The following SIPA1L1 variants were observed in gnomAD, a reference collection of about 807,000 sequenced individuals.
The protein encoded by SIPA1L1 is signal-induced proliferation-associated 1-like protein 1.
In SIPA1L1, 26 loss-of-function variants were observed where a neutral mutation model predicts 162.7. That is an observed-to-expected ratio of 0.16 (90% CI 0.12 to 0.22). The LOEUF is 0.22. SIPA1L1 is among the 10% of genes least tolerant of loss of function. The pLI is 1.00. For missense variants in SIPA1L1, 1,874 were observed against 2,241.0 expected (o/e 0.84, Z 3.31); for synonymous variants, 829 against 837.4 (o/e 0.99, Z 0.17).
At chr14:71,482,357 T>C (rs1411498596) in intron 2 of SIPA1L1, among the ~76,000 whole-genome samples, 1 of 152,162 alleles carries the variant, frequency 6.6e-6, no homozygotes, top group Non-Finnish European at 1.5e-5. Context: ...AAGGATATTT[T>C]GACCAGAGGT....
intron 2 of SIPA1L1, among the ~76,000 whole-genome samples, chr14:71,413,557 G>A (rs1220724567): frequency 1.3e-5 from 2 of 152,128 alleles, no homozygotes; most frequent in Non-Finnish European, 2.9e-5. Context: ...GGCCAACATG[G>A]TGAAACCCCG....
chr14:71,654,089 T>G (rs1437180523), intron 8 of SIPA1L1, among the ~76,000 whole-genome samples: 2 of 152,190 alleles, frequency 1.3e-5, no homozygotes, highest in African/African-American at 4.8e-5. Context: ...TTTCTTAGTA[T>G]TTTTGTAAAG....
chr14:71,705,772 G>A (rs745786355), intron 16 of SIPA1L1, among the ~76,000 whole-genome samples: 6 of 151,986 alleles, frequency 3.9e-5, no homozygotes, highest in Non-Finnish European at 8.8e-5. Context: ...GAGACAGACA[G>A]CTTCCCCTAT....
chr14:71,569,590 G>A (rs1189952273), intron 4 of SIPA1L1, among the ~76,000 whole-genome samples: 1 of 152,146 alleles, frequency 6.6e-6, no homozygotes, highest in African/African-American at 2.4e-5. Context: ...TATAGAAGGG[G>A]AAACCCTCTG....
chr14:71,453,304 G>T (rs967812201), intron 2 of SIPA1L1, among the ~76,000 whole-genome samples: 3 of 152,030 alleles, frequency 2.0e-5, no homozygotes, highest in Non-Finnish European at 4.4e-5. Flanking sequence ...TGCTCTGCTG[G>T]CCAGGCTGTA....
intron 21 of SIPA1L1, among the ~76,000 whole-genome samples, chr14:71,734,247 G>A (rs183954528): frequency 6.6e-6 from 1 of 152,242 alleles, no homozygotes; most frequent in African/African-American, 2.4e-5. Context: ...CTCCGTGCGC[G>A]GTAGCGCGTT....
At chr14:71,477,878 T>C (rs539610450) in intron 2 of SIPA1L1, among the ~76,000 whole-genome samples, 1 of 152,300 alleles carries the variant, frequency 6.6e-6, no homozygotes, top group African/African-American at 2.4e-5. Context: ...TTCCCAGGAC[T>C]GGGATTGCTG....
At chr14:71,405,995 C>T (rs965255785) in intron 2 of SIPA1L1, among the ~76,000 whole-genome samples, 3 of 152,134 alleles carry the variant, frequency 2.0e-5, no homozygotes, top group Non-Finnish European at 2.9e-5. Flanking sequence ...TGATCATGGG[C>T]AGAAAGAAGA....
intron 3 of SIPA1L1, among the ~76,000 whole-genome samples, chr14:71,527,818 T>C (rs2053036917): frequency 6.6e-6 from 1 of 152,148 alleles, no homozygotes; most frequent in Non-Finnish European, 1.5e-5. Context: ...CAGTCCCTCT[T>C]AATTGAAAGT....
intron 2 of SIPA1L1, among the ~76,000 whole-genome samples, chr14:71,325,401 C>G (rs986870167): frequency 6.6e-6 from 1 of 152,086 alleles, no homozygotes; most frequent in East Asian, 1.9e-4. Flanking sequence ...GTCTTAGAAG[C>G]ATGGGAAAGA....
intron 22 of SIPA1L1, among the ~76,000 whole-genome samples, chr14:71,736,965 G>C (rs905902726): frequency 1.3e-5 from 2 of 152,216 alleles, no homozygotes; most frequent in African/African-American, 4.8e-5. Flanking sequence ...TGTCTGTCCA[G>C]CACCGCCCCT....
At position 71,377,352 on chromosome 14, in the gene SIPA1L1, C is replaced by T. The variant is rs991285678; in HGVS notation, c.-465+56171C>T. ...CAACTTCTCAGACGGGGCGGCCGGG[C>T]GGAGGCACTCCTCAGTTCCCAGACG... is the stretch of plus-strand genomic sequence containing the variant. On this transcript the variant is annotated intron_variant, in intron 2 of 23. Coordinates refer to ENST00000381232, the MANE Select transcript of SIPA1L1 (RefSeq NM_001386936.1). The surrounding 1 kb of genome is among the most constrained non-coding windows in gnomAD (Gnocchi z 4.8). Among the ~76,000 whole-genome samples, 5 of 149,460 alleles carry T rather than the reference C, an allele frequency of 3.3e-5. No individual in the cohort carries two copies. The highest frequency in any genetic ancestry group is 2.0e-4 in the East Asian group (1 of 4,954).
At chr14:71,514,341 G>T (rs938305014) in intron 3 of SIPA1L1, among the ~76,000 whole-genome samples, 1 of 152,136 alleles carries the variant, frequency 6.6e-6, no homozygotes, top group Non-Finnish European at 1.5e-5. Flanking sequence ...GTGTTTACTG[G>T]AGTTGTACAT....
chr14:71,651,980 CTTT>C (rs1218140582), intron 8 of SIPA1L1, among the ~76,000 whole-genome samples: 1 of 152,136 alleles, frequency 6.6e-6, no homozygotes, highest in African/African-American at 2.4e-5. Flanking sequence ...GGGAAAGATT[CTTT>C]TTCACTGAAC....
At chr14:71,341,134 G>A (rs890342978) in intron 2 of SIPA1L1, among the ~76,000 whole-genome samples, 6 of 152,204 alleles carry the variant, frequency 3.9e-5, no homozygotes, top group Non-Finnish European at 7.3e-5. Context: ...CCTGCCGAGG[G>A]AAGTCCAAGG....
intron 2 of SIPA1L1, among the ~76,000 whole-genome samples, chr14:71,396,578 C>T (rs2041222045): frequency 6.6e-6 from 1 of 152,066 alleles, no homozygotes; most frequent in South Asian, 2.1e-4. Flanking sequence ...CAGTTTGGTC[C>T]AAGTGGTCAG....
chr14:71,725,904 A>C (rs2084196719), intron 19 of SIPA1L1, among the ~76,000 whole-genome samples: 1 of 152,218 alleles, frequency 6.6e-6, no homozygotes, highest in Non-Finnish European at 1.5e-5. Flanking sequence ...AATTGATTGA[A>C]ATGGAAGCTA....
intron 16 of SIPA1L1, among the ~76,000 whole-genome samples, chr14:71,707,204 C>T (rs1407986028): frequency 1.3e-5 from 2 of 151,944 alleles, no homozygotes; most frequent in African/African-American, 4.8e-5. Flanking sequence ...TCTAGACTTC[C>T]CGCCTCCCTC....
chr14:71,455,172 T>A (rs2046100201), intron 2 of SIPA1L1, among the ~76,000 whole-genome samples: 1 of 152,246 alleles, frequency 6.6e-6, no homozygotes, highest in Non-Finnish European at 1.5e-5. Flanking sequence ...ATTATAGTGT[T>A]AACTGTAACA....
Sources: gnomAD v4.1 joint callset for allele counts (sites outside exome capture counted in the v4.1 genomes callset) on GRCh38, gnomAD v4.1.1 for gene constraint, Gnocchi (gnomAD v3.1) non-coding constraint, MANE v1.5 for transcripts, NCBI Gene and HGNC (gene_info 2026-07-23, HGNC 2026-07-21) for gene names.